DDHD2: variants seen among roughly 807,000 people sequenced by gnomAD.
DDHD2 encodes the protein triacylglycerol hydrolase DDHD2.
In DDHD2, 62 loss-of-function variants were observed where a neutral mutation model predicts 91.2. The ratio of observed to expected loss-of-function variants is 0.68; its 90% confidence interval spans 0.55 to 0.84. The LOEUF (loss-of-function observed/expected upper bound fraction) is 0.84. DDHD2 is among the 40% of genes least tolerant of loss of function. The probability of loss-of-function intolerance (pLI) is 0.00; values close to 1 mark genes in which losing one functional copy is unlikely to be tolerated. For missense variants in DDHD2, 740 were observed against 846.9 expected, an observed-to-expected ratio of 0.87 and a Z score of 1.57; for synonymous variants, 271 against 293.9, an observed-to-expected ratio of 0.92 and a Z score of 0.80.
At chr8:38,268,389 T>TGTC (rs916598322) in intron 1 of DDHD2, 1 of 1,569,806 alleles carries the variant, frequency 6.4e-7, no homozygotes, top group African/African-American at 1.4e-5. Context: ...GCTTGTCTGC[T>TGTC]GTCTCTTGTG....
At chr8:38,251,657 G>A in intron 11 of DDHD2, 3 of 318,326 alleles carry the variant, frequency 9.4e-6, no homozygotes, top group Non-Finnish European at 1.7e-5. Context: ...TAGAATTTTT[G>A]GCTGCCATTT....
chr8:38,250,883 A>G (rs1198263943), intron 11 of DDHD2: 2 of 151,894 alleles, frequency 1.3e-5, no homozygotes, highest in Non-Finnish European at 1.5e-5. Flanking sequence ...TTCTGTTTCT[A>G]CAGATTTGCT....
intron 5 of DDHD2, among the ~76,000 whole-genome samples, chr8:38,239,936 G>A (rs1805116498): frequency 6.6e-6 from 1 of 151,490 alleles, no homozygotes; most frequent in Non-Finnish European, 1.5e-5. Flanking sequence ...TGTTGGTCAG[G>A]CTGGTCTCGA....
chr8:38,269,115 A>ATCTT (rs923216548), intron 1 of DDHD2: 108 of 1,525,076 alleles, frequency 7.1e-5, no homozygotes, highest in African/African-American at 8.5e-5. Context: ...CCGGCCGTGG[A>ATCTT]TCTTTCTTAC....
chr8:38,248,749 A>C (rs1805854417), intron 10 of DDHD2, among the ~76,000 whole-genome samples: 1 of 151,726 alleles, frequency 6.6e-6, no homozygotes, highest in Non-Finnish European at 1.5e-5. Context: ...GTTCGAGACC[A>C]ATCTAGTCAA....
chr8:38,259,815 T>C (rs1806835990), intron 16 of DDHD2, among the ~76,000 whole-genome samples: 1 of 152,218 alleles, frequency 6.6e-6, no homozygotes, highest in East Asian at 1.9e-4. Context: ...CCACCGCACC[T>C]GGCCTCTCTT....
chr8:38,269,665 G>C (rs1305061449), intron 1 of DDHD2: 1 of 163,494 alleles, frequency 6.1e-6, no homozygotes, highest in Non-Finnish European at 1.3e-5. Flanking sequence ...GAGTGTTGTA[G>C]CAAAAAATTA....
intron 15 of DDHD2, 98 bp downstream of exon 15, chr8:38,253,225 T>A: frequency 2.5e-6 from 3 of 1,218,298 alleles, no homozygotes; most frequent in Non-Finnish European, 3.4e-6. Context: ...ACATTTAATT[T>A]CATAGTTAAT....
intron 11 of DDHD2, chr8:38,251,628 TTTTCTGAGGAAATCTTCCTAGA>T: frequency 3.5e-6 from 1 of 282,108 alleles, no homozygotes; most frequent in Non-Finnish European, 6.6e-6. Flanking sequence ...TTTAATCTTG[TTTTCTGAGGAAATCTTCCTAGA>T]ATTTTTGGCT....
At chr8:38,239,709 TA>T (rs768307999) in intron 5 of DDHD2, among the ~76,000 whole-genome samples, 357 of 112,388 alleles carry the variant, frequency 3.2e-3, no homozygotes, top group Middle Eastern at 4.3e-3. Context: ...AACCATAATT[TA>T]AAAAAAAAAA....
chr8:38,235,328 C>T (rs1804627272), intron 3 of DDHD2, among the ~76,000 whole-genome samples: 1 of 152,126 alleles, frequency 6.6e-6, no homozygotes, highest in Admixed American at 6.5e-5. Flanking sequence ...TGGCCTCGGC[C>T]TCCCAAAGTG....
Position 38,236,263 on chromosome 8 carries a change from C to T in DDHD2, c.412-1275C>T, listed in dbSNP as rs181159433. ...TCCTGACCTCGTGATCCGCCCGCCT[C>T]GGCCTCCCAAAGTGCTGGGATTACA... On this transcript the variant is annotated intron_variant, in intron 3 of 17. Transcript: ENST00000397166. Among the ~76,000 whole-genome samples the T allele has an allele frequency of 3.3e-3, 506 of 152,218 alleles. 2 individuals carry two copies. Among genetic ancestry groups the T allele is most frequent in the African/African-American group, 0.012 (485 of 41,550 alleles).
intron 10 of DDHD2, 27 bp downstream of exon 10, chr8:38,247,862 G>A: frequency 1.3e-6 from 2 of 1,528,676 alleles, no homozygotes; most frequent in Middle Eastern, 1.8e-4. Context: ...AAAACTTTAT[G>A]CCAAGCCATT....
chr8:38,248,194 C>T (rs1471114989), intron 10 of DDHD2, among the ~76,000 whole-genome samples: 1 of 151,962 alleles, frequency 6.6e-6, no homozygotes, highest in Non-Finnish European at 1.5e-5. Context: ...TACAGGTGCC[C>T]GCCACCACGC....
chr8:38,238,226 A>AT lies in DDHD2; in HGVS notation c.622+23dup. ...TTCATTGTGGTAATGTTAATCGTTT[A>AT]TTTTTTCTTACCTTTGGATGTATTT... On this transcript the variant is annotated intron_variant, in intron 5 of 17. Transcript: ENST00000397166. 2 of 1,612,688 alleles carry AT rather than the reference A, an allele frequency of 1.2e-6. No homozygotes were observed. Among genetic ancestry groups the AT allele is most frequent in the South Asian group, 1.1e-5 (1 of 90,930 alleles).
At chr8:38,259,950 A>G (rs1806851563) in intron 16 of DDHD2, 90 bp from the exon 17 acceptor site, 1 of 808,498 alleles carries the variant, frequency 1.2e-6, no homozygotes, top group South Asian at 1.6e-5. Context: ...AACTTGCAAG[A>G]TGGTTGTATG....
At chr8:38,240,441 T>C in intron 6 of DDHD2, 77 bp downstream of exon 6, 1 of 1,053,948 alleles carries the variant, frequency 9.5e-7, no homozygotes. Context: ...TTTGGTCTAT[T>C]GTCTTAGCTG....
chr8:38,255,622 G>T (rs1179873505), intron 16 of DDHD2, among the ~76,000 whole-genome samples: 3 of 151,734 alleles, frequency 2.0e-5, no homozygotes, highest in African/African-American at 7.3e-5. Flanking sequence ...TAAATTAAAG[G>T]CAATGTTCTG....
intron 2 of DDHD2, 91 bp downstream of exon 2, chr8:38,233,305 A>G (rs1309045998): frequency 1.0e-6 from 1 of 997,894 alleles, no homozygotes; most frequent in African/African-American, 1.6e-5. Context: ...TATGAAAACC[A>G]AATTTTAGAT....
Sources: allele counts gnomAD v4.1 joint callset (sites outside exome capture counted in the v4.1 genomes callset), GRCh38; gene constraint gnomAD v4.1.1; transcripts MANE v1.5; gene names NCBI Gene and HGNC (gene_info 2026-07-23, HGNC 2026-07-21).